Variants in PCDH15 observed in about 807,000 individuals in gnomAD.
PCDH15 encodes protocadherin related 15, also known as protocadherin-15.
In PCDH15, 129 loss-of-function variants were observed where a neutral mutation model predicts 178.5. The ratio of observed to expected loss-of-function variants is 0.72; its 90% CI spans 0.63 to 0.84. The LOEUF is 0.84. Ranked by LOEUF, PCDH15 falls within the 40% of genes least tolerant of loss-of-function variation. PCDH15 has a pLI of 0.00. For synonymous variants in PCDH15, 800 were observed against 732.0 expected (o/e 1.09, Z -1.50); for missense variants, 2,230 against 2,099.9 (o/e 1.06, Z -1.21).
chr10:55,561,210 G>A (rs1564454875), intron 2 of PCDH15, among the ~76,000 whole-genome samples: 1 of 151,790 alleles, frequency 6.6e-6, no homozygotes. Context: ...AAACTGGGAA[G>A]TTAACAACTT....
At chr10:55,334,240 A>ATGTGTGTGTGTGTG (rs1174973055) in intron 2 of PCDH15, among the ~76,000 whole-genome samples, 1 of 88,626 alleles carries the variant, frequency 1.1e-5, no homozygotes, top group Non-Finnish European at 2.0e-5. Flanking sequence ...ATATATATAT[A>ATGTGTGTGTGTGTG]TATGTGTGTG....
chr10:53,894,544 C>G (rs997115967), intron 26 of PCDH15, among the ~76,000 whole-genome samples: 3 of 152,146 alleles, frequency 2.0e-5, no homozygotes, highest in Admixed American at 2.0e-4. Context: ...TTGTTTGCAT[C>G]TGTTCTATAT....
At chr10:55,284,129 T>C (rs1285574367) in intron 1 of PCDH15, among the ~76,000 whole-genome samples, 1 of 152,168 alleles carries the variant, frequency 6.6e-6, no homozygotes, top group Admixed American at 6.6e-5. Context: ...GACTGCTGTC[T>C]ATGGTTTTCT....
At chr10:54,679,396 GT>G (rs1469814436) in intron 1 of PCDH15, among the ~76,000 whole-genome samples, 1 of 152,114 alleles carries the variant, frequency 6.6e-6, no homozygotes, top group Non-Finnish European at 1.5e-5. Context: ...TCTGTTTCAT[GT>G]TAATTAAAGG....
intron 2 of PCDH15, among the ~76,000 whole-genome samples, chr10:55,373,607 C>T (rs1845555613): frequency 6.6e-6 from 1 of 151,938 alleles, no homozygotes; most frequent in Non-Finnish European, 1.5e-5. Context: ...CATGAGGCCA[C>T]CATGTTAGTG....
At chr10:54,151,728 T>C (rs1229349793) in intron 14 of PCDH15, among the ~76,000 whole-genome samples, 2 of 152,112 alleles carry the variant, frequency 1.3e-5, no homozygotes, top group African/African-American at 4.8e-5. Flanking sequence ...ACATCAAACA[T>C]ATATAATATA....
chr10:55,616,919 C>T (rs1475826124), intron 2 of PCDH15, among the ~76,000 whole-genome samples: 2 of 151,776 alleles, frequency 1.3e-5, no homozygotes, highest in Admixed American at 6.6e-5. Flanking sequence ...ACATTAAGTA[C>T]ATTATTATGT....
chr10:55,371,938 G>T lies in PCDH15; in HGVS notation c.-155-205287C>A, dbSNP rs147776371. On this transcript the variant is annotated intron_variant, in intron 2 of 5. Coordinates refer to the PCDH15 transcript ENST00000613346. Reference sequence around the variant, plus strand: ...AAAAGTAAATTCATGTTTACATTAAGATTTTTTAAAGTCCAAGGTAATTTC... The same window carrying T: ...AAAAGTAAATTCATGTTTACATTAATATTTTTTAAAGTCCAAGGTAATTTC... 1.3e-3 allele frequency among the ~76,000 whole-genome samples: 198 copies of T among 152,202 alleles called. 3 individuals are homozygous for T. The highest frequency in any genetic ancestry group is 4.7e-3 in the African/African-American group (197 of 41,548).
rs575550674 is a variant in PCDH15 at position 54,385,785 on chromosome 10, C to T, written c.158-6843G>A. Among the ~76,000 whole-genome samples the T allele has an allele frequency of 4.9e-3, 751 of 152,206 alleles. 8 individuals are homozygous for T. The highest frequency in any genetic ancestry group is 0.017 in the African/African-American group (698 of 41,540). On this transcript the variant is annotated intron_variant, in intron 3 of 37. Transcript: ENST00000644397. ...TAAACTAACTAAATTAAATAAGATT[C>T]TTTCAGGTATTTTCTAAAGGTCATT...
chr10:53,955,916 A>C (rs749495059), intron 23 of PCDH15, among the ~76,000 whole-genome samples: 41 of 152,264 alleles, frequency 2.7e-4, no homozygotes, highest in Non-Finnish European at 4.7e-4. Flanking sequence ...TTAAGAAAGG[A>C]AAGTGTGTTG....
At chr10:54,043,181 TAC>T (rs1219560258) in intron 18 of PCDH15, among the ~76,000 whole-genome samples, 1 of 152,074 alleles carries the variant, frequency 6.6e-6, no homozygotes, top group Non-Finnish European at 1.5e-5. Flanking sequence ...TCATAAAACT[TAC>T]AGAGTTGATT....
At chr10:55,087,518 A>G (rs1842203190) in intron 2 of PCDH15, among the ~76,000 whole-genome samples, 1 of 152,222 alleles carries the variant, frequency 6.6e-6, no homozygotes, top group Admixed American at 6.5e-5. Context: ...TTGTTTGTAG[A>G]GTTTGGAGAA....
intron 2 of PCDH15, among the ~76,000 whole-genome samples, chr10:55,361,324 ATCT>A (rs1845224253): frequency 6.6e-6 from 1 of 151,996 alleles, no homozygotes; most frequent in South Asian, 2.1e-4. Context: ...CTTGTTAATT[ATCT>A]TCTTTTTATA....
intron 2 of PCDH15, among the ~76,000 whole-genome samples, chr10:55,464,008 A>AG (rs1491448255): frequency 1.9e-5 from 2 of 105,600 alleles, no homozygotes; most frequent in Admixed American, 2.0e-4. Flanking sequence ...AAAGAAAGAA[A>AG]GAAAGAAAGA....
chr10:54,739,523 T>C (rs1183170823), intron 1 of PCDH15, among the ~76,000 whole-genome samples: 6 of 150,090 alleles, frequency 4.0e-5, no homozygotes, highest in African/African-American at 1.5e-4. Flanking sequence ...GATTCAATAC[T>C]ATCCCTATCA....
At chr10:54,682,165 G>C (rs1340976302) in intron 1 of PCDH15, among the ~76,000 whole-genome samples, 1 of 140,154 alleles carries the variant, frequency 7.1e-6, no homozygotes, top group Non-Finnish European at 1.5e-5. Flanking sequence ...TGTAGGATTA[G>C]AGTAGACAAA....
At chr10:54,607,038 A>G (rs950711754) in intron 2 of PCDH15, 1 of 151,878 alleles carries the variant, frequency 6.6e-6, no homozygotes, top group Non-Finnish European at 1.5e-5. Flanking sequence ...GAAAAGATAT[A>G]CTAATTTCAG....
intron 2 of PCDH15, among the ~76,000 whole-genome samples, chr10:55,515,513 C>A (rs1840992005): frequency 6.6e-6 from 1 of 151,504 alleles, no homozygotes; most frequent in Non-Finnish European, 1.5e-5. Flanking sequence ...TTATTTTTTT[C>A]ATTAAACTAT....
At chr10:55,608,310 G>A (rs1843279381) in intron 2 of PCDH15, among the ~76,000 whole-genome samples, 1 of 151,302 alleles carries the variant, frequency 6.6e-6, no homozygotes, top group Admixed American at 6.6e-5. Flanking sequence ...GCAGAGGGAA[G>A]GGGAGGGGGA....
Sources: allele counts gnomAD v4.1 joint callset (sites outside exome capture counted in the v4.1 genomes callset), GRCh38; gene constraint gnomAD v4.1.1; transcripts MANE v1.5; gene names NCBI Gene and HGNC (gene_info 2026-07-23, HGNC 2026-07-21).